SLC9A7: variants seen among roughly 807,000 people sequenced by gnomAD.
SLC9A7 encodes the protein solute carrier family 9 member A7.
SLC9A7 carries 19 observed loss-of-function variants against 52.6 expected under a neutral mutation model. That is an observed-to-expected ratio of 0.36 (90% confidence interval 0.25 to 0.53). The LOEUF (loss-of-function observed/expected upper bound fraction) is 0.53. Ranked by LOEUF, SLC9A7 falls within the 20% of genes least tolerant of loss-of-function variation. The pLI is 0.91. For synonymous variants in SLC9A7, 226 were observed against 252.1 expected, an observed-to-expected ratio of 0.90 and a Z score of 0.98; for missense variants, 455 against 597.9, an observed-to-expected ratio of 0.76 and a Z score of 2.49.
intron 1 of SLC9A7, among the ~76,000 whole-genome samples, chrX:46,735,240 T>C (rs1363654433): frequency 8.9e-6 from 1 of 111,881 alleles, no homozygotes; most frequent in African/African-American, 3.2e-5. Flanking sequence ...CTGGGTTTTA[T>C]TGAGCATTTT....
rs1942675544 is a variant in SLC9A7, at chrX:46,602,458, G to C, written c.*4494C>G. ...AGACTAAAGGCTCTTGTCAATCCTG[G>C]CTGCACATCAAGAACACTCCTGAGG... On this transcript the variant is annotated 3_prime_UTR_variant, in exon 17 of 17. Transcript: ENST00000616978. The C allele has an allele frequency of 8.9e-6, 1 of 111,974 alleles. No individual in the cohort carries two copies. Among genetic ancestry groups the C allele is most frequent in the Non-Finnish European group, 1.9e-5 (1 of 53,221 alleles). The allele number at this position is 111,974 out of a possible 1,213,427, so 9.2% of individuals were successfully genotyped here.
At chrX:46,696,894 G>A (rs970059319) in intron 1 of SLC9A7, among the ~76,000 whole-genome samples, 1 of 111,922 alleles carries the variant, frequency 8.9e-6, no homozygotes, top group Non-Finnish European at 1.9e-5. Flanking sequence ...TTTGCCCAAG[G>A]TTACACATAG....
intron 1 of SLC9A7, among the ~76,000 whole-genome samples, chrX:46,730,670 T>TATATATA (rs1491295251): frequency 4.0e-4 from 17 of 42,911 alleles, no homozygotes; most frequent in African/African-American, 6.4e-4. Flanking sequence ...AAAAAAAAAA[T>TATATATA]TATATATATA....
At position 46,725,508 on chromosome X, in the gene SLC9A7, G is replaced by A. The variant is rs1220263343; in HGVS notation, c.325+33197C>T. On this transcript the variant is annotated intron_variant, in intron 1 of 16. Coordinates refer to ENST00000616978, the MANE Select transcript of SLC9A7 (RefSeq NM_001257291.2). ...TCCCAGTTTCATAGCATCAACCGTGGTCTTGGTGTCCTTCAATGACTGGAT... is the reference window on the plus strand; with the variant it reads ...TCCCAGTTTCATAGCATCAACCGTGATCTTGGTGTCCTTCAATGACTGGAT... The A allele has an allele frequency of 8.9e-5, 87 of 978,062 alleles. No homozygotes were observed. The South Asian group carries it at 1.4e-3, about 15-fold the overall frequency. The allele number at this position is 978,062 out of a possible 1,213,427, so 80.6% of individuals were successfully genotyped here. A position where few individuals can be genotyped will look rare whatever the true frequency, so the allele number is the denominator to read the frequency against.
Position 46,653,626 on chromosome X carries a change from T to C in SLC9A7, c.1130A>G (p.Glu377Gly). The change falls in exon 8 of 17, where the codon GAA (glutamate) becomes GGA (glycine). Residue 377 changes from glutamate to glycine, a missense_variant. By Grantham distance (98) the Glu-to-Gly change is moderately conservative. This residue lies in a region of SLC9A7 where 304 missense variants were observed against 417.8 expected (regional missense o/e 0.73). Transcript: ENST00000616978. ...LMSWSTFLLAEACGFTGVVAV... is the reference protein window; with the variant it reads ...LMSWSTFLLAGACGFTGVVAV... ...AAACCTACCTGTAAATCCGCAGGCT[T>C]CTGCCAAGAGAAACGTGCTCCAGGA... 1 of 1,209,569 alleles carries C rather than the reference T, an allele frequency of 8.3e-7. No homozygotes were observed. The highest frequency in any genetic ancestry group is 1.1e-6 in the Non-Finnish European group (1 of 893,855).
In SLC9A7 at chrX:46,607,018, TC is replaced by T. The variant is rs1356322036; in HGVS notation, c.2114del (p.Gly705GlufsTer14). 1 of 1,211,237 alleles carries T rather than the reference TC, an allele frequency of 8.3e-7. No individual in the cohort carries two copies. Among genetic ancestry groups the T allele is most frequent in the Non-Finnish European group, 1.1e-6 (1 of 895,386 alleles). On this transcript the variant is annotated frameshift_variant, in exon 17 of 17. Coordinates refer to ENST00000616978, the MANE Select transcript of SLC9A7 (RefSeq NM_001257291.2). LOFTEE classifies it high-confidence loss of function. Reference protein sequence around the residue: ...SSEEVLERDLGMGDQKVSSRG... With the variant: ...SSEEVLERDLXMGDQKVSSRG... Reference sequence around the variant, plus strand: ...GGCTCGAAACCTTCTGGTCTCCCATTCCCAGGTCTCGCTCCAGCACTTCCTC... The same window carrying T: ...GGCTCGAAACCTTCTGGTCTCCCATTCCAGGTCTCGCTCCAGCACTTCCTC...
chrX:46,672,570 C>T lies in SLC9A7; in HGVS notation c.661G>A (p.Val221Ile), dbSNP rs368575715. The T allele has an allele frequency of 1.5e-4, 178 of 1,204,520 alleles. 1 individual carries two copies. Among genetic ancestry groups the T allele is most frequent in the Non-Finnish European group, 2.0e-4 (176 of 890,911 alleles). Residue 221 changes from valine to isoleucine, a missense_variant, in exon 4 of 17, where the codon GTT becomes ATT. Transcript: ENST00000616978. ...ACTTACCCAATAATGAAGCATGAAACAGCAGTCCCCAAGAAGGCATAGGCC... is the reference window on the plus strand; with the variant it reads ...ACTTACCCAATAATGAAGCATGAAATAGCAGTCCCCAAGAAGGCATAGGCC... ...ILAYAFLGTA[V>I]SCFIIGNLMY...
chrX:46,703,133 CTTG>C (rs1944556574), intron 1 of SLC9A7, among the ~76,000 whole-genome samples: 1 of 111,732 alleles, frequency 8.9e-6, no homozygotes, highest in East Asian at 2.8e-4. Flanking sequence ...TTGTTTTTTG[CTTG>C]TTAAGTTCCT....
intron 1 of SLC9A7, among the ~76,000 whole-genome samples, chrX:46,695,257 C>T (rs916657473): frequency 3.6e-5 from 4 of 112,410 alleles, no homozygotes; most frequent in South Asian, 7.3e-4. Flanking sequence ...ATCTAGAGAT[C>T]GCATGTGCGA....
At chrX:46,703,896 GCTCT>G (rs1379181563) in intron 1 of SLC9A7, among the ~76,000 whole-genome samples, 7 of 112,107 alleles carry the variant, frequency 6.2e-5, no homozygotes, top group African/African-American at 1.6e-4. Context: ...TGTAACAGTG[GCTCT>G]CTCTAAGGAG....
chrX:46,695,897 T>C (rs923920639), intron 1 of SLC9A7, among the ~76,000 whole-genome samples: 4 of 111,851 alleles, frequency 3.6e-5, no homozygotes, highest in African/African-American at 1.3e-4. Context: ...AGAGTTGGTA[T>C]CCCACTTTGG....
At chrX:46,669,586 C>G in intron 5 of SLC9A7, 21 bp downstream of exon 5, 1 of 872,376 alleles carries the variant, frequency 1.1e-6, no homozygotes, top group Non-Finnish European at 1.6e-6. Flanking sequence ...ATAATAAAGA[C>G]AAATACACAA....
At chrX:46,688,346 C>T (rs1944328155) in intron 1 of SLC9A7, among the ~76,000 whole-genome samples, 1 of 111,546 alleles carries the variant, frequency 9.0e-6, no homozygotes, top group Non-Finnish European at 1.9e-5. Flanking sequence ...ACCTGTAATC[C>T]CAGCACTTTG....
In SLC9A7 at chrX:46,600,081, A is replaced by T. The variant is rs779626629; in HGVS notation, c.*6871T>A. ...CTATGAAGTCACACTTTGAACGATC[A>T]ATTTCAGTGGTAAATTCCCAATCCA... On this transcript the variant is annotated 3_prime_UTR_variant, in exon 17 of 17. Coordinates refer to ENST00000616978, the MANE Select transcript of SLC9A7 (RefSeq NM_001257291.2). 1 of 111,920 alleles carries T rather than the reference A, an allele frequency of 8.9e-6. No individual in the cohort carries two copies. Among genetic ancestry groups the T allele is most frequent in the East Asian group, 2.8e-4 (1 of 3,583 alleles). 9.2% of individuals were successfully genotyped at this position (111,920 alleles called of 1,213,427 possible).
intron 1 of SLC9A7, among the ~76,000 whole-genome samples, chrX:46,738,079 GAA>G: frequency 1.4e-5 from 1 of 73,058 alleles, no homozygotes; most frequent in African/African-American, 3.9e-5. Flanking sequence ...AAGAAAGAAA[GAA>G]AGAAAGAAAG....
In SLC9A7 at chrX:46,631,857, A is replaced by G. The variant is rs770450194; in HGVS notation, c.1677-208T>C. Among the ~76,000 whole-genome samples, 64 of 111,651 alleles carry G rather than the reference A, an allele frequency of 5.7e-4. 1 individual carries two copies. The highest frequency in any genetic ancestry group is 9.6e-4 in the Non-Finnish European group (51 of 53,120). On this transcript the variant is annotated intron_variant, in intron 13 of 16. Transcript: ENST00000616978. ...CAGATCCCAGAGGGTCAGAGGGGCGATGAATCCCATGTGCTCACACTCTAA... is the reference window on the plus strand; with the variant it reads ...CAGATCCCAGAGGGTCAGAGGGGCGGTGAATCCCATGTGCTCACACTCTAA...
intron 1 of SLC9A7, among the ~76,000 whole-genome samples, chrX:46,714,500 A>T (rs1161716079): frequency 9.0e-6 from 1 of 111,584 alleles, no homozygotes; most frequent in Non-Finnish European, 1.9e-5. Flanking sequence ...ACTGGACTCT[A>T]CAAGGACCTC....
At chrX:46,676,936 C>A (rs1158594093) in intron 3 of SLC9A7, among the ~76,000 whole-genome samples, 1 of 111,594 alleles carries the variant, frequency 9.0e-6, no homozygotes, top group Non-Finnish European at 1.9e-5. Flanking sequence ...TCTACGTAAC[C>A]TCATATGCAT....
intron 13 of SLC9A7, among the ~76,000 whole-genome samples, chrX:46,632,157 T>A (rs775475638): frequency 1.8e-5 from 2 of 112,415 alleles, no homozygotes; most frequent in Non-Finnish European, 3.8e-5. Flanking sequence ...CCTTATTACC[T>A]ATCTATCCAT....
Sources: gnomAD v4.1 joint callset for allele counts (sites outside exome capture counted in the v4.1 genomes callset) on GRCh38, gnomAD v4.1.1 for gene constraint, gnomAD v4.1.1 regional missense constraint, MANE v1.5 for transcripts, NCBI Gene and HGNC (gene_info 2026-07-23, HGNC 2026-07-21) for gene names.